The following CPNE5 variants were observed in gnomAD, a reference collection of about 807,000 sequenced individuals.
CPNE5 encodes the protein copine 5, also known as copine-5.
A neutral mutation model predicts 81.1 loss-of-function variants in CPNE5; 42 were observed. That is an observed-to-expected ratio of 0.52 (90% CI 0.40 to 0.67). The LOEUF (loss-of-function observed/expected upper bound fraction) is 0.67. Among genes scored for constraint, CPNE5 ranks in the 30% least tolerant of loss-of-function variants. The pLI, the probability that CPNE5 is intolerant of heterozygous loss-of-function variation, is 0.00. For synonymous variants in CPNE5, 313 were observed against 321.5 expected, an observed-to-expected ratio of 0.97 and a Z score of 0.28; for missense variants, 612 against 815.5, an observed-to-expected ratio of 0.75 and a Z score of 3.04.
At chr6:36,787,721 G>A (rs941284428) in intron 8 of CPNE5, among the ~76,000 whole-genome samples, 1 of 152,158 alleles carries the variant, frequency 6.6e-6, no homozygotes, top group African/African-American at 2.4e-5. Context: ...GACACCTAAG[G>A]GGTGGGGAGG....
chr6:36,809,353 A>T (rs1289073212), intron 3 of CPNE5, among the ~76,000 whole-genome samples: 1 of 152,136 alleles, frequency 6.6e-6, no homozygotes, highest in Non-Finnish European at 1.5e-5. Context: ...AGGCAGGAGG[A>T]TCGCTTGAAC....
chr6:36,769,852 CA>C lies in CPNE5; in HGVS notation c.738-4477del, dbSNP rs941339196. Among the ~76,000 whole-genome samples, 803 of 152,268 alleles carry C rather than the reference CA, an allele frequency of 5.3e-3. 6 individuals are homozygous for C. Among genetic ancestry groups the C allele is most frequent in the African/African-American group, 0.018 (746 of 41,540 alleles). Reference sequence around the variant, plus strand: ...CTGGGAGCTCATCTGTGGCCGGATGCAAAAGAGAAGGAACTCACACATCAAG... The same window carrying C: ...CTGGGAGCTCATCTGTGGCCGGATGCAAAGAGAAGGAACTCACACATCAAG... On this transcript the variant is annotated intron_variant, in intron 10 of 20. Coordinates refer to ENST00000244751, the MANE Select transcript of CPNE5 (RefSeq NM_020939.2).
intron 3 of CPNE5, among the ~76,000 whole-genome samples, chr6:36,813,949 C>A (rs2150567963): frequency 6.6e-6 from 1 of 152,318 alleles, no homozygotes; most frequent in Admixed American, 6.5e-5. Context: ...CTTAGTTAGT[C>A]TACCCACAAA....
chr6:36,804,711 T>C (rs1488562065), intron 3 of CPNE5, among the ~76,000 whole-genome samples: 1 of 118,102 alleles, frequency 8.5e-6, no homozygotes, highest in East Asian at 2.8e-4. Context: ...TTAAGGAAGA[T>C]GACAAGGCTG....
In CPNE5 at chr6:36,795,688, C is replaced by A. The variant is rs187140528; in HGVS notation, c.405-1039G>T. ...GACATCTTGATCTCCGACGTCTAGC[C>A]GCCAGAATTGTGAGAAAATCAATTT... On this transcript the variant is annotated intron_variant, in intron 6 of 20. Coordinates refer to ENST00000244751, the MANE Select transcript of CPNE5 (RefSeq NM_020939.2). Among the ~76,000 whole-genome samples the A allele has an allele frequency of 2.1e-3, 318 of 152,260 alleles. 2 individuals are homozygous for A. The highest frequency in any genetic ancestry group is 7.6e-3 in the African/African-American group (314 of 41,544).
chr6:36,757,517 G>T (rs143328680), intron 12 of CPNE5: 268 of 213,046 alleles, frequency 1.3e-3, no homozygotes, highest in African/African-American at 6.2e-3. Context: ...CCCCGGGCCA[G>T]TGGTGCATAC....
Position 36,763,010 on chromosome 6 carries a change from T to C in CPNE5, c.780-18A>G, listed in dbSNP as rs1405752826. 16 of 1,612,300 alleles carry C rather than the reference T, an allele frequency of 9.9e-6. 1 individual carries two copies. In the Middle Eastern group the frequency reaches 6.6e-4, roughly 66 times the overall value. On this transcript the variant is annotated intron_variant, in intron 11 of 20. Coordinates refer to ENST00000244751, the MANE Select transcript of CPNE5 (RefSeq NM_020939.2). The stretch of plus-strand genomic sequence containing the variant: ...AGTCATGGCTGCAAGGGAAGACGGC[T>C]GCTGAGACCAAGGCCAGGCTGTGCC...
intron 2 of CPNE5, among the ~76,000 whole-genome samples, chr6:36,822,379 T>C (rs1048180203): frequency 6.6e-6 from 1 of 151,814 alleles, no homozygotes. Flanking sequence ...CCCCCAAGCC[T>C]GGACAGGGTT....
intron 7 of CPNE5, among the ~76,000 whole-genome samples, chr6:36,794,074 GCGAGCAAA>G (rs1769340495): frequency 6.6e-6 from 1 of 152,180 alleles, no homozygotes; most frequent in African/African-American, 2.4e-5. Flanking sequence ...ACCGCAGCTG[GCGAGCAAA>G]CGAGCAAACG....
intron 15 of CPNE5, among the ~76,000 whole-genome samples, chr6:36,747,453 G>A (rs1473149249): frequency 6.6e-6 from 1 of 152,112 alleles, no homozygotes; most frequent in Non-Finnish European, 1.5e-5. Flanking sequence ...CTACTTCATA[G>A]GATTGATGTG....
chr6:36,808,002 G>A (rs573745024), intron 3 of CPNE5, among the ~76,000 whole-genome samples: 2 of 152,332 alleles, frequency 1.3e-5, no homozygotes, highest in South Asian at 2.1e-4. Flanking sequence ...GAGAGAGGTC[G>A]CCCGCTCAGC....
chr6:36,831,411 T>G (rs916807243), intron 1 of CPNE5, among the ~76,000 whole-genome samples: 5 of 151,742 alleles, frequency 3.3e-5, no homozygotes, highest in African/African-American at 9.7e-5. Context: ...TGGAGTGCAG[T>G]GGTACAATAT....
intron 10 of CPNE5, among the ~76,000 whole-genome samples, chr6:36,767,582 A>G (rs1249948994): frequency 2.0e-5 from 3 of 152,182 alleles, no homozygotes; most frequent in Non-Finnish European, 4.4e-5. Flanking sequence ...GGGGACCTTC[A>G]GAGACCCCAG....
chr6:36,822,436 G>T (rs1696553539), intron 2 of CPNE5, among the ~76,000 whole-genome samples: 2 of 152,306 alleles, frequency 1.3e-5, no homozygotes, highest in African/African-American at 4.8e-5. Context: ...GGGAGACTAG[G>T]TGTGCCTGGA....
intron 9 of CPNE5, among the ~76,000 whole-genome samples, chr6:36,777,802 A>ACACACACAC (rs1767682722): frequency 1.0e-5 from 1 of 96,556 alleles, no homozygotes; most frequent in African/African-American, 3.9e-5. Context: ...ACACACACAC[A>ACACACACAC]ATTTCAAGGG....
intron 3 of CPNE5, among the ~76,000 whole-genome samples, chr6:36,805,147 T>A (rs1049138056): frequency 6.6e-5 from 10 of 152,222 alleles, no homozygotes; most frequent in Non-Finnish European, 1.5e-4. Flanking sequence ...CTGCTGTATT[T>A]CATTCTACAT....
intron 10 of CPNE5, among the ~76,000 whole-genome samples, chr6:36,771,990 A>G (rs999388732): frequency 6.6e-6 from 1 of 152,030 alleles, no homozygotes; most frequent in Non-Finnish European, 1.5e-5. Flanking sequence ...TCAGAGTGGG[A>G]GGTGGGAGCC....
At chr6:36,767,506 A>G (rs922229919) in intron 10 of CPNE5, among the ~76,000 whole-genome samples, 2 of 152,186 alleles carry the variant, frequency 1.3e-5, no homozygotes, top group African/African-American at 4.8e-5. Flanking sequence ...TGGCCCCACA[A>G]GGCTGAAGTC....
intron 1 of CPNE5, among the ~76,000 whole-genome samples, chr6:36,835,989 A>C (rs1773466520): frequency 6.6e-6 from 1 of 152,210 alleles, no homozygotes; most frequent in Non-Finnish European, 1.5e-5. Flanking sequence ...CTTTCTTTAC[A>C]GATGGGGAAA....
Sources: gnomAD v4.1 joint callset for allele counts (sites outside exome capture counted in the v4.1 genomes callset) on GRCh38, gnomAD v4.1.1 for gene constraint, MANE v1.5 for transcripts, NCBI Gene and HGNC (gene_info 2026-07-23, HGNC 2026-07-21) for gene names.